The following PDZRN4 variants were observed in gnomAD, a reference collection of about 807,000 sequenced individuals.
The protein encoded by PDZRN4 is PDZ domain-containing RING finger protein 4.
Under a neutral mutation model 99.0 loss-of-function variants are expected in PDZRN4, and 70 were observed. That is an observed-to-expected ratio of 0.71 (90% CI 0.58 to 0.86). PDZRN4 has a LOEUF of 0.86. Ranked by LOEUF, PDZRN4 falls within the 40% of genes least tolerant of loss-of-function variation. PDZRN4 has a pLI of 0.00. For missense variants in PDZRN4, 1,474 were observed against 1,331.2 expected (o/e 1.11, Z -1.67); for synonymous variants, 551 against 501.6 (o/e 1.10, Z -1.32).
intron 3 of PDZRN4, among the ~76,000 whole-genome samples, chr12:41,210,959 T>C (rs1430365671): frequency 6.6e-6 from 1 of 152,000 alleles, no homozygotes; most frequent in Non-Finnish European, 1.5e-5. Flanking sequence ...ATAGCTCTTC[T>C]CTCTAAGTCA....
intron 3 of PDZRN4, among the ~76,000 whole-genome samples, chr12:41,235,789 T>C (rs1301567462): frequency 2.8e-4 from 42 of 152,212 alleles, no homozygotes; most frequent in Admixed American, 2.8e-3. Flanking sequence ...TGCATAGATA[T>C]GCACAAACTT....
chr12:41,501,400 C>G (rs1289796476), intron 3 of PDZRN4, among the ~76,000 whole-genome samples: 2 of 152,132 alleles, frequency 1.3e-5, no homozygotes, highest in Non-Finnish European at 2.9e-5. Context: ...AGGGGAACAG[C>G]TCAAATCCAA....
intron 5 of PDZRN4, among the ~76,000 whole-genome samples, chr12:41,534,268 T>G (rs965147226): frequency 6.7e-5 from 10 of 148,420 alleles, no homozygotes; most frequent in Admixed American, 6.7e-4. Flanking sequence ...CTTCTGAATT[T>G]GCACATCTCT....
chr12:41,399,223 C>T (rs9652045), intron 3 of PDZRN4, among the ~76,000 whole-genome samples: 16,841 of 151,680 alleles, frequency 0.11, 2,340 homozygotes, highest in African/African-American at 0.33. Flanking sequence ...ATAACAGTGA[C>T]CAAGGTATAT....
intron 3 of PDZRN4, among the ~76,000 whole-genome samples, chr12:41,263,983 A>G (rs1045469276): frequency 6.6e-5 from 10 of 152,140 alleles, no homozygotes; most frequent in African/African-American, 2.4e-4. Context: ...TGAAAAACAC[A>G]CCCTTGACTT....
intron 3 of PDZRN4, among the ~76,000 whole-genome samples, chr12:41,314,269 T>TCACAG (rs1951624966): frequency 6.6e-6 from 1 of 152,170 alleles, no homozygotes; most frequent in African/African-American, 2.4e-5. Context: ...TGGTTTATCA[T>TCACAG]CACAGCAAGT....
chr12:41,246,680 C>T (rs1566391890), intron 3 of PDZRN4, among the ~76,000 whole-genome samples: 1 of 152,146 alleles, frequency 6.6e-6, no homozygotes, highest in Non-Finnish European at 1.5e-5. Flanking sequence ...TGTTTCTGCT[C>T]TCATGTTCTT....
chr12:41,571,148 T>G (rs562453307), intron 9 of PDZRN4, among the ~76,000 whole-genome samples: 1 of 151,546 alleles, frequency 6.6e-6, no homozygotes, highest in East Asian at 1.9e-4. Flanking sequence ...TATCTATCTA[T>G]ATATATATAT....
chr12:41,198,313 T>C (rs1950791475), intron 3 of PDZRN4, among the ~76,000 whole-genome samples: 1 of 151,906 alleles, frequency 6.6e-6, no homozygotes, highest in Admixed American at 6.6e-5. Flanking sequence ...TTGTTTACAC[T>C]TTCTTCTCCC....
chr12:41,299,158 T>TA (rs1218758832), intron 3 of PDZRN4, among the ~76,000 whole-genome samples: 1 of 152,050 alleles, frequency 6.6e-6, no homozygotes, highest in Non-Finnish European at 1.5e-5. Flanking sequence ...AAATAATTAT[T>TA]AAAAATAAAG....
chr12:41,251,811 TA>T (rs1951172108), intron 3 of PDZRN4, among the ~76,000 whole-genome samples: 1 of 152,090 alleles, frequency 6.6e-6, no homozygotes. Flanking sequence ...AACCAATTTA[TA>T]AAAACGTTAT....
intron 3 of PDZRN4, among the ~76,000 whole-genome samples, chr12:41,330,036 C>A (rs908137872): frequency 1.3e-5 from 2 of 152,058 alleles, no homozygotes; most frequent in Admixed American, 6.6e-5. Flanking sequence ...CATGTTTCCT[C>A]AAGAGAAAAG....
At chr12:41,534,821 G>A (rs1938722796) in intron 5 of PDZRN4, among the ~76,000 whole-genome samples, 1 of 152,078 alleles carries the variant, frequency 6.6e-6, no homozygotes, top group South Asian at 2.1e-4. Flanking sequence ...ACATAGTGAA[G>A]AAGGTTATTT....
At chr12:41,539,810 A>G (rs1592103168) in intron 5 of PDZRN4, among the ~76,000 whole-genome samples, 2 of 152,340 alleles carry the variant, frequency 1.3e-5, no homozygotes, top group South Asian at 4.1e-4. Context: ...TGTTGTGTCA[A>G]CATAGACACG....
chr12:41,294,836 A>G (rs572608475), intron 3 of PDZRN4, among the ~76,000 whole-genome samples: 1 of 152,184 alleles, frequency 6.6e-6, no homozygotes, highest in Non-Finnish European at 1.5e-5. Context: ...AGAACAACTC[A>G]GGAGGCTAAA....
intron 3 of PDZRN4, among the ~76,000 whole-genome samples, chr12:41,416,609 A>G (rs538692547): frequency 2.0e-5 from 3 of 152,206 alleles, no homozygotes; most frequent in Non-Finnish European, 4.4e-5. Context: ...GTGAGCAGAG[A>G]TCGCACCAAT....
chr12:41,216,342 G>A (rs971661403), intron 3 of PDZRN4, among the ~76,000 whole-genome samples: 22 of 151,912 alleles, frequency 1.4e-4, no homozygotes, highest in African/African-American at 5.3e-4. Flanking sequence ...AAGGTACTGG[G>A]GGTGAAAGTT....
intron 5 of PDZRN4, among the ~76,000 whole-genome samples, chr12:41,538,250 T>C (rs1314937695): frequency 6.6e-6 from 1 of 152,178 alleles, no homozygotes; most frequent in Non-Finnish European, 1.5e-5. Context: ...CTAACTACTA[T>C]TTCCATCTAG....
rs548452709 is a variant in PDZRN4 at position 41,381,976 on chromosome 12, C to T, written c.844-124480C>T. ...AAGATCTCTTATTTGGTAGGGCCAC[C>T]GTCCATGCTCTCAGTTTAGGTTTGA... On this transcript the variant is annotated intron_variant, in intron 3 of 9. Coordinates refer to ENST00000402685, the MANE Select transcript of PDZRN4 (RefSeq NM_001164595.2). 1.5e-4 allele frequency among the ~76,000 whole-genome samples: 23 copies of T among 152,212 alleles called. 1 individual carries two copies. The highest frequency in any genetic ancestry group is 4.8e-4 in the African/African-American group (20 of 41,536).
Sources: allele counts gnomAD v4.1 joint callset (sites outside exome capture counted in the v4.1 genomes callset), GRCh38; gene constraint gnomAD v4.1.1; transcripts MANE v1.5; gene names NCBI Gene and HGNC (gene_info 2026-07-23, HGNC 2026-07-21).